ARFGEF2: variants seen among roughly 807,000 people sequenced by gnomAD.
The protein encoded by ARFGEF2 is brefeldin A-inhibited guanine nucleotide-exchange protein 2.
Under a neutral mutation model 219.9 loss-of-function variants are expected in ARFGEF2, and 74 were observed. The observed-to-expected ratio is 0.34, with a 90% confidence interval of 0.28 to 0.41. The LOEUF is 0.41. Ranked by LOEUF, ARFGEF2 falls within the 10% of genes least tolerant of loss-of-function variation. ARFGEF2 has a pLI of 1.00. For missense variants in ARFGEF2, 1,743 were observed against 2,218.3 expected (o/e 0.79, Z 4.30); for synonymous variants, 733 against 799.2 (o/e 0.92, Z 1.40).
At chr20:49,023,830 G>T (rs1489632075) in intron 35 of ARFGEF2, among the ~76,000 whole-genome samples, 1 of 152,146 alleles carries the variant, frequency 6.6e-6, no homozygotes, top group Non-Finnish European at 1.5e-5. Context: ...GAGCCACCGC[G>T]CCCGGCCTGA....
At chr20:48,949,104 C>T (rs1039568611) in intron 3 of ARFGEF2, among the ~76,000 whole-genome samples, 1 of 152,196 alleles carries the variant, frequency 6.6e-6, no homozygotes, top group Non-Finnish European at 1.5e-5. Flanking sequence ...TTTCTCCTGG[C>T]CTTGTCTCAC....
rs1275081887 is a variant in ARFGEF2, at chr20:48,932,002, G to A, written c.122-9197G>A. Reference sequence around the variant, plus strand: ...GCTGAAGCATGGAGACCAGTTACAAGACCATTGTGATGGCCCAGGTGGGAG... The same window carrying A: ...GCTGAAGCATGGAGACCAGTTACAAAACCATTGTGATGGCCCAGGTGGGAG... On this transcript the variant is annotated intron_variant, in intron 1 of 38. Transcript: ENST00000371917. 3.9e-5 allele frequency among the ~76,000 whole-genome samples: 6 copies of A among 152,320 alleles called. No individual in the cohort carries two copies. In the South Asian group the frequency reaches 1.2e-3, roughly 32 times the overall value.
intron 25 of ARFGEF2, among the ~76,000 whole-genome samples, chr20:49,002,497 C>T (rs2091431092): frequency 1.3e-5 from 2 of 152,272 alleles, no homozygotes; most frequent in Admixed American, 1.3e-4. Context: ...TAGAATCATG[C>T]TGTGTTTGTC....
chr20:49,036,024 T>C lies in ARFGEF2; in HGVS notation c.*2825T>C. Reference sequence around the variant, plus strand: ...AAAAAAACCTGTATTTTTTTTGTTGTTCTTTTGTGATTAAGGATATACATT... The same window carrying C: ...AAAAAAACCTGTATTTTTTTTGTTGCTCTTTTGTGATTAAGGATATACATT... On this transcript the variant is annotated 3_prime_UTR_variant, in exon 39 of 39. Transcript: ENST00000371917. 2 of 396,834 alleles carry C rather than the reference T, an allele frequency of 5.0e-6. No individual in the cohort carries two copies. Among genetic ancestry groups the C allele is most frequent in the Non-Finnish European group, 8.9e-6 (2 of 225,434 alleles). 24.6% of individuals were successfully genotyped at this position (396,834 alleles called of 1,614,324 possible). A position where few individuals can be genotyped will look rare whatever the true frequency, so the allele number is the denominator to read the frequency against.
chr20:48,998,011 C>T (rs1463741600), intron 23 of ARFGEF2, 182 bp from the exon 24 acceptor site: 1 of 608,496 alleles, frequency 1.6e-6, no homozygotes, highest in Non-Finnish European at 3.0e-6. Flanking sequence ...GTGCCCGCCA[C>T]CACGCCCAGC....
At chr20:49,028,452 A>G in intron 36 of ARFGEF2, 78 bp from the exon 37 acceptor site, 3 of 1,424,936 alleles carry the variant, frequency 2.1e-6, no homozygotes, top group Admixed American at 1.7e-5. Context: ...TTCATAAAAT[A>G]ACTAGATTTC....
rs1173049625 is a variant in ARFGEF2, at chr20:48,965,949, C to G, written c.985C>G (p.Pro329Ala). The G allele has an allele frequency of 1.9e-6, 3 of 1,613,954 alleles. No homozygotes were observed. Among genetic ancestry groups the G allele is most frequent in the Non-Finnish European group, 2.5e-6 (3 of 1,179,992 alleles). Residue 329 changes from proline to alanine, a missense_variant, in exon 8 of 39, where the codon CCA becomes GCA. By Grantham distance (27) the Pro-to-Ala change is conservative (BLOSUM62 -1). Around this residue, in one of 5 missense-constraint regions of ARFGEF2, gnomAD observed 394 missense variants for 426.6 expected, o/e 0.92. Coordinates refer to ENST00000371917, the MANE Select transcript of ARFGEF2 (RefSeq NM_006420.3). ...ELECQECAIP[P>A]GVDENSQTNG... ...GGAGTGCCAGGAATGTGCTATTCCCCCAGGAGTTGATGAAAACTCACAGAC... is the reference window on the plus strand; with the variant it reads ...GGAGTGCCAGGAATGTGCTATTCCCGCAGGAGTTGATGAAAACTCACAGAC...
intron 5 of ARFGEF2, among the ~76,000 whole-genome samples, 168 bp from the exon 6 acceptor site, chr20:48,953,388 T>G (rs562445346): frequency 2.0e-5 from 3 of 152,108 alleles, no homozygotes; most frequent in African/African-American, 7.2e-5. Context: ...GTTGCCCAGG[T>G]TGGTCTCGAA....
Position 49,035,548 on chromosome 20 carries a change from C to T in ARFGEF2, c.*2349C>T, listed in dbSNP as rs554632979. 6.6e-6 allele frequency: 1 copy of T among 152,286 alleles called. No homozygotes were observed. Among genetic ancestry groups the T allele is most frequent in the East Asian group, 1.9e-4 (1 of 5,190 alleles). The allele number at this position is 152,286 out of a possible 1,614,324, so 9.4% of individuals were successfully genotyped here. A position where few individuals can be genotyped will look rare whatever the true frequency, so the allele number is the denominator to read the frequency against. On this transcript the variant is annotated 3_prime_UTR_variant, in exon 39 of 39. Transcript: ENST00000371917. ...CCTAAATTCATTTTTATGAATAAAT[C>T]TCTTCTTTCTCATGGTAAATGTGGC...
At chr20:49,013,769 C>G in intron 29 of ARFGEF2, 62 bp from the exon 30 acceptor site, 1 of 1,614,104 alleles carries the variant, frequency 6.2e-7, no homozygotes, top group Non-Finnish European at 8.5e-7. Context: ...TGACCCCACT[C>G]TCTTCTCTGT....
Position 48,991,056 on chromosome 20 carries a change from A to G in ARFGEF2, c.2831A>G (p.Tyr944Cys). Residue 944 changes from tyrosine (Y) to cysteine (C), a missense_variant, in exon 21 of 39, where the codon TAT becomes TGT. By Grantham distance (194) the Tyr-to-Cys change is radical. Coordinates refer to ENST00000371917, the MANE Select transcript of ARFGEF2 (RefSeq NM_006420.3). Reference protein sequence around the residue: ...IFGMQLERDAYVQALARFSLL... With the variant: ...IFGMQLERDACVQALARFSLL... ...CTGTTACAGCTGGAACGAGATGCCTATGTTCAGGCTCTTGCTCGCTTCTCC... is the reference window on the plus strand; with the variant it reads ...CTGTTACAGCTGGAACGAGATGCCTGTGTTCAGGCTCTTGCTCGCTTCTCC... 8.1e-6 allele frequency: 13 copies of G among 1,614,116 alleles called. No individual in the cohort carries two copies. The highest frequency in any genetic ancestry group is 1.3e-5 in the African/African-American group (1 of 75,008).
chr20:49,012,105 C>G, intron 28 of ARFGEF2, 21 bp downstream of exon 28: 2 of 1,614,126 alleles, frequency 1.2e-6, no homozygotes, highest in Non-Finnish European at 1.7e-6. Flanking sequence ...CCCCACCTTA[C>G]TCAGATGGGC....
chr20:48,983,980 AAGGTGGGAGGATCACTTGGAGTTCC>A (rs2091311501), intron 14 of ARFGEF2, among the ~76,000 whole-genome samples: 1 of 151,990 alleles, frequency 6.6e-6, no homozygotes, highest in African/African-American at 2.4e-5. Flanking sequence ...TTGGGAGGCT[AAGGTGGGAGGATCACTTGGAGTTCC>A]AGACCAGCCT....
Position 48,976,072 on chromosome 20 carries a change from A to G in ARFGEF2, c.1831A>G (p.Arg611Gly), listed in dbSNP as rs758879263. Residue 611 changes from arginine to glycine, a missense_variant, in exon 14 of 39, where the codon AGA becomes GGA. This residue lies in a region of ARFGEF2 where 666 missense variants were observed against 955.4 expected (regional missense o/e 0.70). Transcript: ENST00000371917. ...GGATGGGAAAGGCCTTGACATGGCA[A>G]GACGGTGTAGTGTGACGTCCATGGA... is the stretch of plus-strand genomic sequence containing the variant. ...IGDGKGLDMA[R>G]RCSVTSMEST... 6.2e-7 allele frequency: 1 copy of G among 1,613,220 alleles called. No individual in the cohort carries two copies. Among genetic ancestry groups the G allele is most frequent in the South Asian group, 1.1e-5 (1 of 91,048 alleles).
rs200175966 is a variant in ARFGEF2, at chr20:48,923,599, CA to C, written c.121+1591del. Among the ~76,000 whole-genome samples the C allele has an allele frequency of 5.3e-3, 814 of 152,340 alleles. 8 individuals carry two copies. The highest frequency in any genetic ancestry group is 0.018 in the African/African-American group (763 of 41,566). On this transcript the variant is annotated intron_variant, in intron 1 of 38. Transcript: ENST00000371917. The stretch of plus-strand genomic sequence containing the variant: ...CCAAGGCTGTTGGGTATTTTATCAG[CA>C]ATGTGGGATAAGCACTGCAAAGCAG...
intron 34 of ARFGEF2, among the ~76,000 whole-genome samples, chr20:49,020,102 A>G (rs1157639868): frequency 6.6e-6 from 1 of 152,204 alleles, no homozygotes; most frequent in Admixed American, 6.5e-5. Flanking sequence ...GAACTTGACA[A>G]CATGTAGTAG....
At chr20:48,967,665 A>G (rs2091196473) in intron 8 of ARFGEF2, among the ~76,000 whole-genome samples, 2 of 152,190 alleles carry the variant, frequency 1.3e-5, no homozygotes, top group African/African-American at 2.4e-5. Context: ...TGGAAGTGTT[A>G]AGGCTTTTGA....
chr20:48,939,994 G>C (rs926410408), intron 1 of ARFGEF2, among the ~76,000 whole-genome samples: 1 of 152,228 alleles, frequency 6.6e-6, no homozygotes, highest in Non-Finnish European at 1.5e-5. Context: ...TCCCAAGGCT[G>C]ATTTGATAAT....
intron 36 of ARFGEF2, among the ~76,000 whole-genome samples, chr20:49,026,399 A>G (rs955495153): frequency 6.6e-6 from 1 of 152,118 alleles, no homozygotes; most frequent in Non-Finnish European, 1.5e-5. Flanking sequence ...GTAGTCTAGG[A>G]AAAACAGAAA....
Sources: gnomAD v4.1 joint callset for allele counts (sites outside exome capture counted in the v4.1 genomes callset) on GRCh38, gnomAD v4.1.1 for gene constraint, gnomAD v4.1.1 regional missense constraint, MANE v1.5 for transcripts, NCBI Gene and HGNC (gene_info 2026-07-23, HGNC 2026-07-21) for gene names.